PSD3: variants seen among roughly 807,000 people sequenced by gnomAD.
PSD3 encodes pleckstrin and Sec7 domain containing 3.
Under a neutral mutation model 105.5 loss-of-function variants are expected in PSD3, and 49 were observed. That is an observed-to-expected ratio of 0.46 (90% CI 0.37 to 0.59). The LOEUF is 0.59. Among genes scored for constraint, PSD3 ranks in the 20% least tolerant of loss-of-function variants. The probability of loss-of-function intolerance (pLI) is 0.00; values close to 1 mark genes in which losing one functional copy is unlikely to be tolerated. For missense variants in PSD3, 1,561 were observed against 1,263.8 expected (o/e 1.24, Z -3.57); for synonymous variants, 557 against 457.8 (o/e 1.22, Z -2.77).
In PSD3 at chr8:18,535,882, G is replaced by C. The variant is rs1799818449; in HGVS notation, c.3005C>G (p.Ala1002Gly). 3.1e-6 allele frequency: 5 copies of C among 1,614,180 alleles called. No homozygotes were observed. Among genetic ancestry groups the C allele is most frequent in the Non-Finnish European group, 4.2e-6 (5 of 1,180,010 alleles). ...CGAGTGCGACTTCTTCAGTCCTGCA[G>C]CCTCGCTTTCATCGTTACTCAGTAG... ...KELLSNDESEAAGLKKSHSSP... is the reference protein window; with the variant it reads ...KELLSNDESEGAGLKKSHSSP... The change falls in exon 16 of 16, where the codon GCT becomes GGT. Residue 1002 changes from alanine (A) to glycine (G), a missense_variant. Physicochemically the swap from Ala to Gly is moderately conservative, Grantham distance 60 (BLOSUM62 0). Coordinates refer to ENST00000327040, the MANE Select transcript of PSD3 (RefSeq NM_015310.4).
intron 1 of PSD3, among the ~76,000 whole-genome samples, chr8:18,942,636 T>C (rs909804934): frequency 4.6e-5 from 7 of 152,160 alleles, no homozygotes; most frequent in Non-Finnish European, 8.8e-5. Context: ...TATGAAAAGA[T>C]GACGACAGGC....
intron 9 of PSD3, among the ~76,000 whole-genome samples, chr8:18,693,526 C>T (rs1801088713): frequency 3.9e-5 from 6 of 152,262 alleles, no homozygotes; most frequent in Middle Eastern, 3.4e-3. Flanking sequence ...CCTGCTTTAG[C>T]GGAAATCTTC....
At chr8:18,898,046 T>C (rs1563397180) in intron 2 of PSD3, among the ~76,000 whole-genome samples, 4 of 152,208 alleles carry the variant, frequency 2.6e-5, no homozygotes, top group Non-Finnish European at 1.5e-5. Flanking sequence ...CAGTTCAGTA[T>C]AATGTTGGCT....
chr8:18,797,741 G>A (rs1492285), intron 8 of PSD3, among the ~76,000 whole-genome samples: 6,823 of 152,176 alleles, frequency 0.045, 175 homozygotes, highest in Middle Eastern at 0.075. Context: ...AGCTCTAAGA[G>A]ATCTGCAACC....
At chr8:18,752,510 A>ATT (rs397690498) in intron 9 of PSD3, among the ~76,000 whole-genome samples, 1 of 67,888 alleles carries the variant, frequency 1.5e-5, no homozygotes, top group Non-Finnish European at 2.5e-5. Flanking sequence ...TAATATATAT[A>ATT]ATATATGTAA....
intron 14 of PSD3, among the ~76,000 whole-genome samples, chr8:18,561,799 A>G (rs2130207007): frequency 6.6e-6 from 1 of 152,334 alleles, no homozygotes; most frequent in East Asian, 1.9e-4. Context: ...CTATGAAGAC[A>G]GTATTGCTTA....
chr8:18,925,075 A>C lies in PSD3; in HGVS notation c.130+10959T>G, dbSNP rs540186138. On this transcript the variant is annotated intron_variant, in intron 2 of 15. Coordinates refer to ENST00000327040, the MANE Select transcript of PSD3 (RefSeq NM_015310.4). ...TAGAAGACAGTATCCAGAGTCATACAATTAAGAAGGGGCTTGTATACAGAT... is the reference window on the plus strand; with the variant it reads ...TAGAAGACAGTATCCAGAGTCATACCATTAAGAAGGGGCTTGTATACAGAT... 1.1e-4 allele frequency among the ~76,000 whole-genome samples: 16 copies of C among 152,360 alleles called. 1 individual carries two copies. The highest frequency in any genetic ancestry group is 3.6e-4 in the African/African-American group (15 of 41,584).
chr8:18,883,162 A>C (rs1037859606), intron 2 of PSD3, among the ~76,000 whole-genome samples: 1 of 152,184 alleles, frequency 6.6e-6, no homozygotes, highest in African/African-American at 2.4e-5. Context: ...TACACGTTAC[A>C]GGATGAGAAA....
At chr8:19,060,991 C>G (rs1445075412) in intron 1 of PSD3, among the ~76,000 whole-genome samples, 1 of 152,100 alleles carries the variant, frequency 6.6e-6, no homozygotes, top group Non-Finnish European at 1.5e-5. Flanking sequence ...CTTCTTTCAG[C>G]CAGCCACAAA....
chr8:18,844,752 T>G (rs954550002), intron 4 of PSD3, among the ~76,000 whole-genome samples: 2 of 152,264 alleles, frequency 1.3e-5, no homozygotes, highest in African/African-American at 4.8e-5. Flanking sequence ...TAAGAGAGAC[T>G]GTTCACTTAG....
At chr8:18,795,074 T>G (rs902215967) in intron 8 of PSD3, among the ~76,000 whole-genome samples, 12 of 152,222 alleles carry the variant, frequency 7.9e-5, no homozygotes, top group Non-Finnish European at 1.3e-4. Flanking sequence ...TTACAATCTA[T>G]CTCACACTGA....
chr8:18,920,624 A>G (rs1820946870), intron 2 of PSD3, among the ~76,000 whole-genome samples: 1 of 152,218 alleles, frequency 6.6e-6, no homozygotes, highest in South Asian at 2.1e-4. Context: ...TTAAGTAAAA[A>G]ACCTTTTATT....
At chr8:18,989,938 A>G (rs1172112239) in intron 1 of PSD3, among the ~76,000 whole-genome samples, 1 of 152,230 alleles carries the variant, frequency 6.6e-6, no homozygotes, top group Non-Finnish European at 1.5e-5. Context: ...AGAGTGCTAC[A>G]TCTCAATAAA....
intron 9 of PSD3, among the ~76,000 whole-genome samples, chr8:18,706,285 A>G (rs1226809771): frequency 6.6e-6 from 1 of 152,338 alleles, no homozygotes; most frequent in African/African-American, 2.4e-5. Flanking sequence ...GCTGTTTAGT[A>G]AATACACAAT....
chr8:19,031,366 G>T (rs1308037851), intron 1 of PSD3, among the ~76,000 whole-genome samples: 1 of 152,170 alleles, frequency 6.6e-6, no homozygotes, highest in Non-Finnish European at 1.5e-5. Flanking sequence ...AGCTGGAAGA[G>T]AATTATTTTG....
chr8:19,053,624 T>G (rs1828604890), intron 1 of PSD3, among the ~76,000 whole-genome samples: 1 of 151,990 alleles, frequency 6.6e-6, no homozygotes, highest in African/African-American at 2.4e-5. Context: ...ACCCCGTCTC[T>G]ACTAAAAATA....
At chr8:18,760,004 A>C (rs937113997) in intron 9 of PSD3, among the ~76,000 whole-genome samples, 7 of 127,156 alleles carry the variant, frequency 5.5e-5, no homozygotes, top group African/African-American at 2.6e-4. Context: ...TTTCTGTTAC[A>C]AACAAGAACA....
At chr8:18,676,214 A>G (rs112706588) in intron 9 of PSD3, among the ~76,000 whole-genome samples, 2 of 152,236 alleles carry the variant, frequency 1.3e-5, no homozygotes, top group African/African-American at 4.8e-5. Flanking sequence ...TTTCTCTACA[A>G]TGTTCAAATA....
intron 1 of PSD3, among the ~76,000 whole-genome samples, chr8:18,987,014 A>G (rs1825534837): frequency 6.6e-6 from 1 of 152,092 alleles, no homozygotes; most frequent in Non-Finnish European, 1.5e-5. Flanking sequence ...TCTTTTCACA[A>G]AAAAAATTTG....
Sources: allele counts gnomAD v4.1 joint callset (sites outside exome capture counted in the v4.1 genomes callset), GRCh38; gene constraint gnomAD v4.1.1; transcripts MANE v1.5; gene names NCBI Gene and HGNC (gene_info 2026-07-23, HGNC 2026-07-21).